EYS: variants seen among roughly 807,000 people sequenced by gnomAD.
The protein encoded by EYS is protein eyes shut homolog.
A neutral mutation model predicts 282.1 loss-of-function variants in EYS; 250 were observed. The ratio of observed to expected loss-of-function variants is 0.89; its 90% CI spans 0.80 to 0.98. EYS has a LOEUF of 0.98. EYS is among the 50% of genes least tolerant of loss of function. The pLI, the probability that EYS is intolerant of heterozygous loss-of-function variation, is 0.00. For missense variants in EYS, 4,016 were observed against 3,709.0 expected, an observed-to-expected ratio of 1.08 and a Z score of -2.15; for synonymous variants, 1,355 against 1,282.9, an observed-to-expected ratio of 1.06 and a Z score of -1.20.
chr6:64,960,678 A>T (rs933160315), intron 14 of EYS, among the ~76,000 whole-genome samples: 1 of 152,132 alleles, frequency 6.6e-6, no homozygotes, highest in African/African-American at 2.4e-5. Context: ...GTTCAGGGGT[A>T]TATGTGCAGG....
intron 29 of EYS, among the ~76,000 whole-genome samples, chr6:64,352,154 G>GT (rs368877529): frequency 4.8e-4 from 73 of 151,528 alleles, no homozygotes; most frequent in African/African-American, 1.7e-3. Flanking sequence ...GAAATAATGA[G>GT]TTAATGTGCA....
intron 36 of EYS, among the ~76,000 whole-genome samples, chr6:63,854,282 G>C (rs975876531): frequency 2.0e-5 from 3 of 152,148 alleles, no homozygotes; most frequent in African/African-American, 7.2e-5. Flanking sequence ...CCATAAAAAA[G>C]AATGAGTTCA....
In EYS at chr6:64,803,387, G is replaced by C. The variant is rs557670158; in HGVS notation, c.3443+9991C>G. On this transcript the variant is annotated intron_variant, in intron 22 of 42. Coordinates refer to ENST00000503581, the MANE Select transcript of EYS (RefSeq NM_001142800.2). Reference sequence around the variant, plus strand: ...GGACTGAAGGTGTGTGTGTGGGGGGGTTGGTTTATGGGCTTTAGAAGGGAG... The same window carrying C: ...GGACTGAAGGTGTGTGTGTGGGGGGCTTGGTTTATGGGCTTTAGAAGGGAG... Among the ~76,000 whole-genome samples the C allele has an allele frequency of 2.3e-4, 35 of 151,682 alleles. No homozygotes were observed. The East Asian group carries it at 4.9e-3, about 21-fold the overall frequency.
chr6:63,880,339 C>T (rs1773093590), intron 35 of EYS, among the ~76,000 whole-genome samples: 1 of 152,150 alleles, frequency 6.6e-6, no homozygotes, highest in Non-Finnish European at 1.5e-5. Flanking sequence ...CATCGGACTC[C>T]AAGTTCTTCA....
chr6:64,076,906 T>C (rs1015135498), intron 32 of EYS, among the ~76,000 whole-genome samples: 1 of 151,836 alleles, frequency 6.6e-6, no homozygotes, highest in Non-Finnish European at 1.5e-5. Context: ...TCCCAAAGAA[T>C]TATGTAGCTA....
At chr6:64,802,626 G>A (rs1417134271) in intron 22 of EYS, among the ~76,000 whole-genome samples, 4 of 151,966 alleles carry the variant, frequency 2.6e-5, no homozygotes, top group African/African-American at 9.7e-5. Context: ...TTTACCTAAA[G>A]TGTTAGTGCA....
chr6:64,675,339 CA>C (rs1769613500), intron 22 of EYS, among the ~76,000 whole-genome samples: 1 of 151,690 alleles, frequency 6.6e-6, no homozygotes, highest in Non-Finnish European at 1.5e-5. Context: ...AATGCAATAG[CA>C]AAATAAATCT....
intron 35 of EYS, among the ~76,000 whole-genome samples, chr6:63,962,587 G>C (rs1766120044): frequency 6.6e-6 from 1 of 152,156 alleles, no homozygotes; most frequent in Non-Finnish European, 1.5e-5. Context: ...TTGGAATGGT[G>C]ATCATTAAAA....
At chr6:64,762,452 A>G (rs1256971698) in intron 22 of EYS, among the ~76,000 whole-genome samples, 6 of 152,200 alleles carry the variant, frequency 3.9e-5, no homozygotes, top group Non-Finnish European at 1.5e-5. Context: ...GTTGCTTGTT[A>G]TGTTTCTCTG....
chr6:63,985,449 G>A (rs1175430333), intron 34 of EYS, among the ~76,000 whole-genome samples: 2 of 151,594 alleles, frequency 1.3e-5, no homozygotes, highest in Middle Eastern at 3.2e-3. Flanking sequence ...CTTTGCTATG[G>A]CAACCCTGAC....
chr6:64,365,458 A>T (rs138260618), intron 29 of EYS, among the ~76,000 whole-genome samples: 1 of 152,004 alleles, frequency 6.6e-6, no homozygotes, highest in East Asian at 2.0e-4. Flanking sequence ...GTGCCTCTGA[A>T]GCTCTGGAAA....
intron 14 of EYS, among the ~76,000 whole-genome samples, chr6:64,977,727 T>G (rs9351476): frequency 0.59 from 88,611 of 150,698 alleles, 28,130 homozygotes; most frequent in African/African-American, 0.85. Context: ...ACATGCAAAT[T>G]GTAGGAAAGA....
intron 15 of EYS, among the ~76,000 whole-genome samples, chr6:64,934,368 A>G (rs972359178): frequency 6.6e-6 from 1 of 151,764 alleles, no homozygotes; most frequent in African/African-American, 2.4e-5. Context: ...AATGGCCAAA[A>G]CTTTCTGAAT....
chr6:64,465,269 T>G (rs191243958), intron 26 of EYS, among the ~76,000 whole-genome samples: 202 of 152,206 alleles, frequency 1.3e-3, no homozygotes, highest in African/African-American at 4.7e-3. Context: ...ATTAAAAATT[T>G]TGTGTGGAGC....
intron 31 of EYS, among the ~76,000 whole-genome samples, chr6:64,211,529 T>C (rs1765764146): frequency 6.6e-6 from 1 of 150,824 alleles, no homozygotes; most frequent in South Asian, 2.1e-4. Context: ...TCTCTTTTCC[T>C]TGGCTGAAAT....
intron 11 of EYS, among the ~76,000 whole-genome samples, chr6:65,311,805 GA>G (rs1475149885): frequency 9.2e-5 from 14 of 152,246 alleles, no homozygotes; most frequent in Middle Eastern, 3.4e-3. Context: ...TCCCAAAGCA[GA>G]AATCAGTGTA....
chr6:64,661,175 G>C (rs187216817), intron 22 of EYS, among the ~76,000 whole-genome samples: 1 of 152,116 alleles, frequency 6.6e-6, no homozygotes, highest in Admixed American at 6.5e-5. Flanking sequence ...GGGAAAACTG[G>C]CTAGCCATAT....
chr6:63,919,222 C>T (rs1764501085), intron 35 of EYS, among the ~76,000 whole-genome samples: 1 of 151,232 alleles, frequency 6.6e-6, no homozygotes, highest in East Asian at 1.9e-4. Flanking sequence ...ATGGGAAGAC[C>T]ACATGAGTAG....
chr6:65,017,064 T>A (rs931596324), intron 13 of EYS, among the ~76,000 whole-genome samples: 5 of 152,126 alleles, frequency 3.3e-5, no homozygotes, highest in Non-Finnish European at 7.4e-5. Flanking sequence ...GAGACATCAT[T>A]TTTTCCCTCT....
Sources: gnomAD v4.1 joint callset for allele counts (sites outside exome capture counted in the v4.1 genomes callset) on GRCh38, gnomAD v4.1.1 for gene constraint, MANE v1.5 for transcripts, NCBI Gene and HGNC (gene_info 2026-07-23, HGNC 2026-07-21) for gene names.